The following PIAS2 variants were observed in gnomAD, a reference collection of about 807,000 sequenced individuals.
PIAS2 encodes protein inhibitor of activated STAT 2, also known as E3 SUMO-protein ligase PIAS2.
A neutral mutation model predicts 69.7 loss-of-function variants in PIAS2; 19 were observed. That is an observed-to-expected ratio of 0.27 (90% CI 0.19 to 0.40). The LOEUF (loss-of-function observed/expected upper bound fraction) is 0.40. Among genes scored for constraint, PIAS2 ranks in the 10% least tolerant of loss-of-function variants. The pLI is 1.00. For missense variants in PIAS2, 624 were observed against 757.0 expected, an observed-to-expected ratio of 0.82 and a Z score of 2.06; for synonymous variants, 261 against 263.2, an observed-to-expected ratio of 0.99 and a Z score of 0.08.
chr18:46,815,376 T>C, intron 12 of PIAS2, 27 bp from the exon 13 acceptor site: 1 of 1,609,022 alleles, frequency 6.2e-7, no homozygotes, highest in Non-Finnish European at 8.5e-7. Flanking sequence ...TTGTTAATAG[T>C]TGTCTCATAT....
chr18:46,856,947 T>C (rs1191866015), intron 3 of PIAS2, among the ~76,000 whole-genome samples: 2 of 152,194 alleles, frequency 1.3e-5, no homozygotes, highest in Admixed American at 1.3e-4. Context: ...ATTGTGCAAA[T>C]CACTTAACCA....
At chr18:46,833,444 T>C (rs2043973741) in intron 9 of PIAS2, among the ~76,000 whole-genome samples, 1 of 152,192 alleles carries the variant, frequency 6.6e-6, no homozygotes. Flanking sequence ...GTGTTCATTA[T>C]CTTGACTGGG....
chr18:46,832,994 C>G (rs546459119), intron 9 of PIAS2, among the ~76,000 whole-genome samples: 27 of 151,944 alleles, frequency 1.8e-4, no homozygotes, highest in African/African-American at 4.1e-4. Context: ...ATAGTACAAC[C>G]GCTTTGGAAA....
At chr18:46,824,301 TA>T (rs1160347761) in intron 11 of PIAS2, among the ~76,000 whole-genome samples, 22 of 152,212 alleles carry the variant, frequency 1.4e-4, no homozygotes, top group Non-Finnish European at 1.2e-4. Flanking sequence ...TTTATGATCA[TA>T]AAAGTATAAA....
chr18:46,806,967 A>T lies in PIAS2; in HGVS notation c.*5466T>A, dbSNP rs191825165. ...TGTACCTCAAACATCTGAAGGTAGC[A>T]ATCTGTTTTTTTCTTTCCCTGCAGC... is the stretch of plus-strand genomic sequence containing the variant. On this transcript the variant is annotated 3_prime_UTR_variant, in exon 14 of 14. Coordinates refer to ENST00000585916, the MANE Select transcript of PIAS2 (RefSeq NM_004671.5). 1 of 152,268 alleles carries T rather than the reference A, an allele frequency of 6.6e-6. No individual in the cohort carries two copies. Among genetic ancestry groups the T allele is most frequent in the East Asian group, 1.9e-4 (1 of 5,174 alleles). 9.4% of individuals were successfully genotyped at this position (152,268 alleles called of 1,614,324 possible).
intron 3 of PIAS2, among the ~76,000 whole-genome samples, chr18:46,860,454 T>A (rs1300443062): frequency 6.6e-6 from 1 of 152,174 alleles, no homozygotes; most frequent in Non-Finnish European, 1.5e-5. Context: ...ATTCCACAGT[T>A]GCAGCAGAGA....
Position 46,886,853 on chromosome 18 carries a change from A to G in PIAS2, c.499+3727T>C, listed in dbSNP as rs1054812585. Among the ~76,000 whole-genome samples the G allele has an allele frequency of 2.6e-5, 4 of 152,140 alleles. No homozygotes were observed. In the East Asian group the frequency reaches 7.7e-4, roughly 29 times the overall value. On this transcript the variant is annotated intron_variant, in intron 2 of 13. Transcript: ENST00000585916. ...ACTCTGTCCCCCCCCTCCAAAAAAA[A>G]ACAAATAAAATCGAATAAAATAAAA...
intron 3 of PIAS2, among the ~76,000 whole-genome samples, chr18:46,855,858 G>A (rs1259826266): frequency 6.6e-6 from 1 of 152,100 alleles, no homozygotes; most frequent in Non-Finnish European, 1.5e-5. Context: ...CAGGAACTTT[G>A]ATGATGCAAA....
At chr18:46,892,667 A>G (rs553926724) in intron 1 of PIAS2, among the ~76,000 whole-genome samples, 1 of 151,898 alleles carries the variant, frequency 6.6e-6, no homozygotes, top group East Asian at 1.9e-4. Flanking sequence ...CAAGCCACTC[A>G]GGAGACTGAG....
chr18:46,899,124 T>C (rs745608104), intron 1 of PIAS2, among the ~76,000 whole-genome samples: 3 of 152,076 alleles, frequency 2.0e-5, no homozygotes, highest in Non-Finnish European at 4.4e-5. Context: ...AACGACTGGT[T>C]AATGAGTTGG....
At chr18:46,855,814 G>A (rs531220807) in intron 3 of PIAS2, among the ~76,000 whole-genome samples, 199 bp from the exon 4 acceptor site, 73 of 152,074 alleles carry the variant, frequency 4.8e-4, no homozygotes, top group African/African-American at 1.7e-3. Flanking sequence ...TTCTAGCCAC[G>A]TCTTTATGGC....
At chr18:46,834,904 C>T (rs1051090842) in intron 9 of PIAS2, among the ~76,000 whole-genome samples, 6 of 152,204 alleles carry the variant, frequency 3.9e-5, no homozygotes, top group African/African-American at 1.4e-4. Context: ...CTTACTCCTC[C>T]TGGGAGGCAT....
At chr18:46,913,379 C>T (rs1163400771) in intron 1 of PIAS2, among the ~76,000 whole-genome samples, 3 of 152,106 alleles carry the variant, frequency 2.0e-5, no homozygotes, top group Middle Eastern at 3.2e-3. Flanking sequence ...AACAAATTTA[C>T]CCAGTTTGGT....
At chr18:46,837,585 A>G (rs1345246946) in intron 8 of PIAS2, among the ~76,000 whole-genome samples, 3 of 152,224 alleles carry the variant, frequency 2.0e-5, no homozygotes, top group African/African-American at 4.8e-5. Context: ...AACTGCAAAT[A>G]TATTTTTCAT....
intron 9 of PIAS2, among the ~76,000 whole-genome samples, chr18:46,832,780 T>C (rs141216852): frequency 0.019 from 2,879 of 150,518 alleles, 79 homozygotes; most frequent in African/African-American, 0.065. Context: ...TAATCCCAGC[T>C]ACTGGGGAGG....
At position 46,810,923 on chromosome 18, in the gene PIAS2, A is replaced by G. The variant is rs2040958352; in HGVS notation, c.*1510T>C. ...TTTGTTTTTAAGGTAGATAAAGCTT[A>G]GAGAGAGAAAGCTAAACAGAAAAGT... On this transcript the variant is annotated 3_prime_UTR_variant, in exon 14 of 14. Transcript: ENST00000585916. 6.6e-6 allele frequency: 1 copy of G among 152,158 alleles called. No homozygotes were observed. Among genetic ancestry groups the G allele is most frequent in the Non-Finnish European group, 1.5e-5 (1 of 68,030 alleles). The allele number at this position is 152,158 out of a possible 1,614,324, so 9.4% of individuals were successfully genotyped here.
At chr18:46,825,025 G>A (rs1376613524) in intron 11 of PIAS2, among the ~76,000 whole-genome samples, 2 of 150,834 alleles carry the variant, frequency 1.3e-5, no homozygotes, top group African/African-American at 2.4e-5. Flanking sequence ...AAAAAAAATA[G>A]TTGCTCACAT....
intron 1 of PIAS2, among the ~76,000 whole-genome samples, chr18:46,902,067 C>T (rs2055945714): frequency 1.3e-5 from 2 of 152,004 alleles, no homozygotes; most frequent in Non-Finnish European, 2.9e-5. Flanking sequence ...TCAGCAAGGT[C>T]CCAGGATATA....
At chr18:46,909,657 A>T (rs539921496) in intron 1 of PIAS2, among the ~76,000 whole-genome samples, 73 of 152,356 alleles carry the variant, frequency 4.8e-4, no homozygotes, top group African/African-American at 1.7e-3. Flanking sequence ...TTTTTGGAAG[A>T]TAATCTGACA....
Sources: allele counts gnomAD v4.1 joint callset (sites outside exome capture counted in the v4.1 genomes callset), GRCh38; gene constraint gnomAD v4.1.1; transcripts MANE v1.5; gene names NCBI Gene and HGNC (gene_info 2026-07-23, HGNC 2026-07-21).